The following SP110 variants were observed in gnomAD, a reference collection of about 807,000 sequenced individuals.
The protein encoded by SP110 is interferon-induced protein 41, 30kD.
Under a neutral mutation model 92.7 loss-of-function variants are expected in SP110, and 62 were observed. The ratio of observed to expected loss-of-function variants is 0.67; its 90% CI spans 0.55 to 0.83. The LOEUF (loss-of-function observed/expected upper bound fraction) is 0.83, where lower values mean the gene tolerates loss of function less well. Among genes scored for constraint, SP110 ranks in the 40% least tolerant of loss-of-function variants. The pLI, the probability that SP110 is intolerant of heterozygous loss-of-function variation, is 0.00. For synonymous variants in SP110, 273 were observed against 305.3 expected, an observed-to-expected ratio of 0.89 and a Z score of 1.10; for missense variants, 793 against 863.9, an observed-to-expected ratio of 0.92 and a Z score of 1.03.
chr2:230,169,223 G>A lies in SP110; in HGVS notation c.2043C>T (p.Gly681=). 6.2e-7 allele frequency: 1 copy of A among 1,603,782 alleles called. No homozygotes were observed. Among genetic ancestry groups the A allele is most frequent in the Non-Finnish European group, 8.5e-7 (1 of 1,170,622 alleles). The stretch of plus-strand genomic sequence containing the variant: ...CTGCCTCTAAGTCAAGTCCTACCTG[G>A]CCAAAGTCAGAAGCCTGAAAGAGAA... ...HKTFYKASDF[G]QVGLDLEAEF... is the part of the protein sequence containing the mutation. Residue 681 remains glycine, a synonymous_variant, in exon 19 of 19, where the codon GGC becomes GGT. Coordinates refer to ENST00000258381, the MANE Select transcript of SP110 (RefSeq NM_080424.4).
At chr2:230,191,802 A>T (rs1029607161) in intron 10 of SP110, among the ~76,000 whole-genome samples, 4 of 152,208 alleles carry the variant, frequency 2.6e-5, no homozygotes, top group African/African-American at 9.7e-5. Context: ...CATCATCCTG[A>T]TACCAAAACT....
intron 14 of SP110, chr2:230,176,432 A>T: frequency 1.4e-6 from 2 of 1,395,628 alleles, no homozygotes; most frequent in South Asian, 1.5e-5. Context: ...GTTTATAGCC[A>T]TCCAAATATC....
Position 230,168,973 on chromosome 2 carries a change from G to T in SP110, c.*151C>A. ...TTTAAAGGTAAAAAGAAAGAATAAA[G>T]ATGGAGGGTGTGATAATCCTATGAA... On this transcript the variant is annotated 3_prime_UTR_variant, in exon 19 of 19. Coordinates refer to ENST00000258381, the MANE Select transcript of SP110 (RefSeq NM_080424.4). 1.5e-6 allele frequency: 1 copy of T among 666,402 alleles called. No homozygotes were observed. Among genetic ancestry groups the T allele is most frequent in the Non-Finnish European group, 2.8e-6 (1 of 360,670 alleles). 41.3% of individuals were successfully genotyped at this position (666,402 alleles called of 1,614,324 possible).
intron 13 of SP110, among the ~76,000 whole-genome samples, chr2:230,177,912 T>A (rs1298297775): frequency 6.6e-6 from 1 of 152,198 alleles, no homozygotes. Context: ...AGTGCCTACA[T>A]GCAGCAAGGA....
intron 16 of SP110, 136 bp downstream of exon 16, chr2:230,171,930 G>C (rs948536916): frequency 1.4e-5 from 12 of 842,428 alleles, no homozygotes; most frequent in East Asian, 4.8e-5. Flanking sequence ...TAGACTCTGA[G>C]TTTGGGCATT....
intron 10 of SP110, among the ~76,000 whole-genome samples, chr2:230,193,111 C>T (rs2042710162): frequency 6.6e-6 from 1 of 152,126 alleles, no homozygotes; most frequent in Non-Finnish European, 1.5e-5. Flanking sequence ...TAATGACCTT[C>T]TTTGCCTTTT....
intron 6 of SP110, among the ~76,000 whole-genome samples, chr2:230,210,447 C>G (rs888017638): frequency 6.6e-6 from 1 of 152,174 alleles, no homozygotes; most frequent in African/African-American, 2.4e-5. Flanking sequence ...AGGGGAATGT[C>G]TTTGCTGTAT....
At chr2:230,215,156 A>T in intron 2 of SP110, 38 bp from the exon 3 acceptor site, 1 of 1,499,148 alleles carries the variant, frequency 6.7e-7, no homozygotes, top group Non-Finnish European at 9.3e-7. Context: ...AAATGACTAT[A>T]AAATTGAATG....
intron 11 of SP110, among the ~76,000 whole-genome samples, chr2:230,185,270 G>A (rs958978): frequency 0.76 from 116,140 of 152,102 alleles, 44,472 homozygotes; most frequent in Admixed American, 0.83. Flanking sequence ...CATTTCTTTC[G>A]CTAAGTTATC....
intron 18 of SP110, among the ~76,000 whole-genome samples, chr2:230,169,489 T>C (rs1390806756): frequency 6.7e-6 from 1 of 149,452 alleles, no homozygotes; most frequent in South Asian, 2.1e-4. Context: ...AACATTTTTT[T>C]CTCTTTCAGA....
Position 230,183,596 on chromosome 2 carries a change from A to T in SP110, c.1324T>A (p.Phe442Ile), listed in dbSNP as rs115380913. The change falls in exon 12 of 19, where the codon TTT becomes ATT. Residue 442 changes from phenylalanine (F) to isoleucine (I), a missense_variant. By Grantham distance (21) the Phe-to-Ile change is conservative. Transcript: ENST00000258381. ...CCTCTTCGGTGAATATTTTTCTGAA[A>T]TCTCCTTTTTGAGCTTGAACAGATA... ...KDICSSSKRR[F>I]QKNIHRRGKP... 1 of 1,610,074 alleles carries T rather than the reference A, an allele frequency of 6.2e-7. No individual in the cohort carries two copies. Among genetic ancestry groups the T allele is most frequent in the Non-Finnish European group, 8.5e-7 (1 of 1,176,286 alleles).
At position 230,211,245 on chromosome 2, in the gene SP110, C is replaced by T. The variant is rs1441959478; in HGVS notation, c.751+225G>A. Among the ~76,000 whole-genome samples the T allele has an allele frequency of 6.6e-6, 1 of 152,154 alleles. No individual in the cohort carries two copies. Among genetic ancestry groups the T allele is most frequent in the Non-Finnish European group, 1.5e-5 (1 of 68,028 alleles). Reference sequence around the variant, plus strand: ...TCATCCGTGGCCCTATCCAAGTCTACCTTTTCCAGACTTGCCTCCTTTGCC... The same window carrying T: ...TCATCCGTGGCCCTATCCAAGTCTATCTTTTCCAGACTTGCCTCCTTTGCC... On this transcript the variant is annotated intron_variant, in intron 6 of 18. Coordinates refer to ENST00000258381, the MANE Select transcript of SP110 (RefSeq NM_080424.4). This position sits in a 1 kb window ranked among gnomAD's most constrained non-coding sequence, Gnocchi z 4.2.
chr2:230,173,140 CAG>C (rs2078495023), intron 14 of SP110, 181 bp from the exon 15 acceptor site: 3 of 605,960 alleles, frequency 5.0e-6, no homozygotes, highest in South Asian at 1.6e-5. Flanking sequence ...GCACAACAAG[CAG>C]AGAGTCTGGG....
chr2:230,215,342 T>C (rs1003754754), intron 2 of SP110, among the ~76,000 whole-genome samples: 2 of 152,226 alleles, frequency 1.3e-5, no homozygotes, highest in African/African-American at 4.8e-5. Context: ...ATAAATAATT[T>C]AGCTTTCTTA....
At chr2:230,176,477 C>G (rs114830288) in intron 14 of SP110, 1 of 1,467,314 alleles carries the variant, frequency 6.8e-7, no homozygotes, top group Non-Finnish European at 8.9e-7. Context: ...ACATGATGAG[C>G]TTTTTCATTT....
chr2:230,207,045 A>G (rs1028857530), intron 8 of SP110, among the ~76,000 whole-genome samples: 4 of 152,144 alleles, frequency 2.6e-5, no homozygotes, highest in Non-Finnish European at 4.4e-5. Context: ...AGCAACACCT[A>G]GAGTTTCTCT....
intron 9 of SP110, 53 bp from the exon 10 acceptor site, chr2:230,201,018 C>T (rs2043131105): frequency 2.9e-6 from 4 of 1,395,542 alleles, no homozygotes; most frequent in Admixed American, 3.3e-5. Flanking sequence ...CATGGAGAAT[C>T]TCCCAGAGAC....
In SP110 at chr2:230,211,519, A is replaced by G. The variant is rs750630805; in HGVS notation, c.702T>C (p.Asp234=). The G allele has an allele frequency of 1.2e-5, 19 of 1,612,260 alleles. No homozygotes were observed. Among genetic ancestry groups the G allele is most frequent in the Non-Finnish European group, 1.5e-5 (18 of 1,178,288 alleles). Residue 234 remains aspartate (D), a synonymous_variant, in exon 6 of 19, where the codon GAT becomes GAC. Coordinates refer to ENST00000258381, the MANE Select transcript of SP110 (RefSeq NM_080424.4). The surrounding 1 kb of genome is among the most constrained non-coding windows in gnomAD (Gnocchi z 4.2). ...ASDNLIPQIR[D]KEDPQEMPHS... ...GGGGCATCTCTTGAGGGTCTTCTTTATCTCTTATTTGGGGGATCAGGTTGT... is the reference window on the plus strand; with the variant it reads ...GGGGCATCTCTTGAGGGTCTTCTTTGTCTCTTATTTGGGGGATCAGGTTGT...
At chr2:230,173,357 G>C in intron 14 of SP110, 1 of 295,582 alleles carries the variant, frequency 3.4e-6, no homozygotes, top group South Asian at 3.2e-5. Flanking sequence ...TTTGGGTGCA[G>C]GAGTATGGGA....
Sources: allele counts gnomAD v4.1 joint callset (sites outside exome capture counted in the v4.1 genomes callset), GRCh38; gene constraint gnomAD v4.1.1; non-coding constraint Gnocchi (gnomAD v3.1); transcripts MANE v1.5; gene names NCBI Gene and HGNC (gene_info 2026-07-23, HGNC 2026-07-21).